Variants in C1orf21 observed in about 807,000 individuals in gnomAD.
The protein encoded by C1orf21 is uncharacterized protein C1orf21.
Under a neutral mutation model 18.7 loss-of-function variants are expected in C1orf21, and 3 were observed. The observed-to-expected ratio is 0.16, with a 90% CI of 0.07 to 0.42. The LOEUF (loss-of-function observed/expected upper bound fraction) is 0.42, where lower values mean the gene tolerates loss of function less well. Among genes scored for constraint, C1orf21 ranks in the 10% least tolerant of loss-of-function variants. The pLI is 0.99. For missense variants in C1orf21, 104 were observed against 143.6 expected (o/e 0.72, Z 1.41); for synonymous variants, 41 against 46.4 (o/e 0.88, Z 0.47).
chr1:184,600,874 C>T (rs566282111), intron 5 of C1orf21, among the ~76,000 whole-genome samples: 97 of 152,238 alleles, frequency 6.4e-4, no homozygotes, highest in Admixed American at 1.2e-3. Context: ...TCTTATGTGT[C>T]GTTTAAACAT....
At chr1:184,490,201 C>T (rs921841204) in intron 2 of C1orf21, among the ~76,000 whole-genome samples, 2 of 152,170 alleles carry the variant, frequency 1.3e-5, no homozygotes, top group Non-Finnish European at 2.9e-5. Flanking sequence ...CGTTGACTAC[C>T]TTGCATGAAT....
chr1:184,431,780 AC>A (rs1557970743), intron 1 of C1orf21, among the ~76,000 whole-genome samples: 1 of 152,180 alleles, frequency 6.6e-6, no homozygotes, highest in Non-Finnish European at 1.5e-5. Flanking sequence ...CAAGAAAAAA[AC>A]AAACAACCTC....
chr1:184,521,019 G>A (rs189086116), intron 3 of C1orf21, among the ~76,000 whole-genome samples: 16 of 152,094 alleles, frequency 1.1e-4, no homozygotes, highest in East Asian at 9.7e-4. Flanking sequence ...TCAGCCTCCC[G>A]AGTAGCTGGG....
intron 1 of C1orf21, among the ~76,000 whole-genome samples, chr1:184,424,284 T>G (rs1224174160): frequency 1.3e-5 from 2 of 152,146 alleles, no homozygotes; most frequent in Non-Finnish European, 2.9e-5. Context: ...TGGAGCTGAG[T>G]GAGACTTTAG....
chr1:184,608,704 C>G (rs1287192896), intron 5 of C1orf21, among the ~76,000 whole-genome samples: 1 of 152,162 alleles, frequency 6.6e-6, no homozygotes, highest in Non-Finnish European at 1.5e-5. Context: ...TTGTTATCCT[C>G]CCAAAGTGCT....
chr1:184,512,864 C>T (rs1024259912), intron 3 of C1orf21, among the ~76,000 whole-genome samples: 9 of 152,182 alleles, frequency 5.9e-5, no homozygotes, highest in African/African-American at 1.2e-4. Flanking sequence ...GAGCGGCAGG[C>T]GGGTGAGAGA....
rs1659975325 is a variant in C1orf21, at chr1:184,624,512, C to A, written c.*4956C>A. ...CTTGTTGTTTCATCACAAACTGTAT[C>A]TTTTTAAGGTTAAAAGTCTTGACCT... is the stretch of plus-strand genomic sequence containing the variant. On this transcript the variant is annotated 3_prime_UTR_variant, in exon 6 of 6. Coordinates refer to ENST00000235307, the MANE Select transcript of C1orf21 (RefSeq NM_030806.4). The A allele has an allele frequency of 6.6e-6, 1 of 152,156 alleles. No homozygotes were observed. The highest frequency in any genetic ancestry group is 2.4e-5 in the African/African-American group (1 of 41,434). The allele number at this position is 152,156 out of a possible 1,614,324, so 9.4% of individuals were successfully genotyped here.
rs1657007259 is a variant in C1orf21, at chr1:184,444,976, G to A, written c.-124-32410G>A. ...TATAATATTTGTTCAATGGTCATGT[G>A]TAGCGTGACTTGTGCTGTAATATTA... On this transcript the variant is annotated intron_variant, in intron 1 of 5. Coordinates refer to ENST00000235307, the MANE Select transcript of C1orf21 (RefSeq NM_030806.4). Among the ~76,000 whole-genome samples, 4 of 152,284 alleles carry A rather than the reference G, an allele frequency of 2.6e-5. No individual in the cohort carries two copies. The South Asian group carries it at 8.3e-4, about 32-fold the overall frequency.
intron 1 of C1orf21, among the ~76,000 whole-genome samples, chr1:184,397,872 T>G (rs1250693517): frequency 6.6e-6 from 1 of 152,226 alleles, no homozygotes; most frequent in African/African-American, 2.4e-5. Context: ...ACCAGATGAA[T>G]AGCCATCAAT....
intron 3 of C1orf21, among the ~76,000 whole-genome samples, chr1:184,525,026 TTC>T (rs968827876): frequency 1.2e-3 from 176 of 152,208 alleles, no homozygotes; most frequent in African/African-American, 4.0e-3. Flanking sequence ...GCAAATTTTT[TTC>T]TCCCTAAAGA....
intron 1 of C1orf21, among the ~76,000 whole-genome samples, chr1:184,451,919 T>G (rs1488342429): frequency 6.6e-6 from 1 of 152,178 alleles, no homozygotes; most frequent in Non-Finnish European, 1.5e-5. Context: ...TATAAATAAT[T>G]TTGTTTTTAA....
chr1:184,465,332 C>A (rs1256648442), intron 1 of C1orf21, among the ~76,000 whole-genome samples: 3 of 152,096 alleles, frequency 2.0e-5, no homozygotes, highest in Non-Finnish European at 4.4e-5. Context: ...GTAGGGTCAT[C>A]CTGATTTCCA....
chr1:184,551,440 A>G (rs1658811649), intron 3 of C1orf21, among the ~76,000 whole-genome samples: 1 of 152,204 alleles, frequency 6.6e-6, no homozygotes, highest in African/African-American at 2.4e-5. Context: ...TTTACTGTAA[A>G]GTGATCTTGG....
At chr1:184,408,646 T>C (rs1023177537) in intron 1 of C1orf21, among the ~76,000 whole-genome samples, 1 of 152,222 alleles carries the variant, frequency 6.6e-6, no homozygotes, top group South Asian at 2.1e-4. Flanking sequence ...AATTGAGCTA[T>C]AAGTTAAACT....
chr1:184,408,440 A>G (rs1315935143), intron 1 of C1orf21: 2 of 152,254 alleles, frequency 1.3e-5, no homozygotes, highest in East Asian at 3.8e-4. Context: ...CTGCTGCAGC[A>G]GCCCAGGGCT....
chr1:184,476,511 G>A lies in C1orf21; in HGVS notation c.-124-875G>A, dbSNP rs142515692. 9.8e-5 allele frequency among the ~76,000 whole-genome samples: 15 copies of A among 152,320 alleles called. No individual in the cohort carries two copies. In the East Asian group the frequency reaches 2.9e-3, roughly 29 times the overall value. ...AGCATAAAACAAAAATGAGCAAGTT[G>A]AGCAGAGCAAACACTCAGAATTTGA... is the stretch of plus-strand genomic sequence containing the variant. On this transcript the variant is annotated intron_variant, in intron 1 of 5. Transcript: ENST00000235307.
chr1:184,518,710 T>C (rs1219379248), intron 3 of C1orf21, among the ~76,000 whole-genome samples: 2 of 152,104 alleles, frequency 1.3e-5, no homozygotes, highest in African/African-American at 4.8e-5. Flanking sequence ...CTTGAATCCA[T>C]TTCTATTTCA....
chr1:184,485,765 C>A (rs900856560), intron 2 of C1orf21, among the ~76,000 whole-genome samples: 1 of 152,182 alleles, frequency 6.6e-6, no homozygotes, highest in Non-Finnish European at 1.5e-5. Flanking sequence ...TAGTGATAGA[C>A]TTTAGCTGCC....
In C1orf21 at chr1:184,496,594, A is replaced by G. The variant is rs573164717; in HGVS notation, c.95-10994A>G. Among the ~76,000 whole-genome samples the G allele has an allele frequency of 1.6e-4, 24 of 152,316 alleles. No homozygotes were observed. In the East Asian group the frequency reaches 4.4e-3, roughly 28 times the overall value. ...AGGAATATTGGACCATGTCCAGGTC[A>G]TGCATTATACTTGAAAATTATTGAA... is the stretch of plus-strand genomic sequence containing the variant. On this transcript the variant is annotated intron_variant, in intron 2 of 5. Transcript: ENST00000235307.
Sources: allele counts gnomAD v4.1 joint callset (sites outside exome capture counted in the v4.1 genomes callset), GRCh38; gene constraint gnomAD v4.1.1; transcripts MANE v1.5; gene names NCBI Gene and HGNC (gene_info 2026-07-23, HGNC 2026-07-21).